SLC47A2: variants seen among roughly 807,000 people sequenced by gnomAD.
SLC47A2 encodes multidrug and toxin extrusion protein 2.
SLC47A2 carries 52 observed loss-of-function variants against 67.7 expected under a neutral mutation model. The ratio of observed to expected loss-of-function variants is 0.77; its 90% CI spans 0.61 to 0.97. The LOEUF is 0.97. SLC47A2 is among the 50% of genes least tolerant of loss of function. SLC47A2 has a pLI of 0.00. For synonymous variants in SLC47A2, 278 were observed against 292.9 expected (o/e 0.95, Z 0.52); for missense variants, 676 against 712.3 (o/e 0.95, Z 0.58).
rs369244770 is a variant in SLC47A2 at position 19,712,694 on chromosome 17, G to C, written c.486+9C>G. The C allele has an allele frequency of 3.8e-5, 62 of 1,612,994 alleles. No homozygotes were observed. The African/African-American group carries it at 5.7e-4, about 15-fold the overall frequency. On this transcript the variant is annotated intron_variant, in intron 5 of 16. Transcript: ENST00000433844. ...TGTGATTCCACGCTCAGCAAACAGG[G>C]GCACCTACCGGAAGTCCTGGAATGA... is the stretch of plus-strand genomic sequence containing the variant.
At chr17:19,714,909 C>G (rs1011834006) in intron 2 of SLC47A2, 120 bp from the exon 3 acceptor site, 2 of 1,425,450 alleles carry the variant, frequency 1.4e-6, no homozygotes, top group Non-Finnish European at 9.8e-7. Context: ...GGCAGAGGCT[C>G]TGCTCAGCAG....
chr17:19,711,678 A>ATAGTC (rs2086105190), intron 5 of SLC47A2, among the ~76,000 whole-genome samples: 1 of 151,794 alleles, frequency 6.6e-6, no homozygotes, highest in South Asian at 2.1e-4. Flanking sequence ...TTTAATAATA[A>ATAGTC]TAGTCTATGC....
At chr17:19,709,916 G>A (rs2086050285) in intron 5 of SLC47A2, among the ~76,000 whole-genome samples, 1 of 152,150 alleles carries the variant, frequency 6.6e-6, no homozygotes, top group African/African-American at 2.4e-5. Flanking sequence ...AAGACTCAGA[G>A]GAGAAGAGCA....
chr17:19,703,006 T>C (rs1475871457), intron 12 of SLC47A2, 86 bp downstream of exon 12: 1 of 1,432,290 alleles, frequency 7.0e-7, no homozygotes, highest in African/African-American at 1.4e-5. Flanking sequence ...GGCCCAGCAC[T>C]GAGCCAGGAA....
At chr17:19,705,408 G>C in intron 10 of SLC47A2, 28 bp downstream of exon 10, 1 of 1,597,840 alleles carries the variant, frequency 6.3e-7, no homozygotes, top group Non-Finnish European at 8.5e-7. Flanking sequence ...TGGGGGATGT[G>C]GGGAAGGCAC....
At chr17:19,704,033 A>G (rs1281523325) in intron 11 of SLC47A2, 37 bp downstream of exon 11, 2 of 1,528,734 alleles carry the variant, frequency 1.3e-6, no homozygotes, top group Non-Finnish European at 1.8e-6. Context: ...GACTCAGGCC[A>G]ACGTTTGAAG....
At chr17:19,709,258 G>C (rs1343943790) in intron 5 of SLC47A2, among the ~76,000 whole-genome samples, 1 of 152,210 alleles carries the variant, frequency 6.6e-6, no homozygotes, top group Non-Finnish European at 1.5e-5. Context: ...AAGACCCTAC[G>C]GGGGTGGCGG....
At chr17:19,706,579 TG>T in intron 9 of SLC47A2, 68 bp downstream of exon 9, 5 of 1,342,396 alleles carry the variant, frequency 3.7e-6, no homozygotes, top group Non-Finnish European at 3.0e-6. Flanking sequence ...GCCGCCATCC[TG>T]GGGAGGGGGC....
At position 19,683,173 on chromosome 17, in the gene SLC47A2, A is replaced by G. The variant is rs1704039629; in HGVS notation, c.1165-1503T>C. ...AATTATGATTGATGTACCCTGGACC[A>G]GTGTTTCTCAAATGGGGATGACAAA... On this transcript the variant is annotated intron_variant, in intron 13 of 16. Coordinates refer to ENST00000433844, the MANE Select transcript of SLC47A2 (RefSeq NM_001099646.3). 2.6e-5 allele frequency among the ~76,000 whole-genome samples: 4 copies of G among 152,302 alleles called. No homozygotes were observed. In the South Asian group the frequency reaches 6.2e-4, roughly 24 times the overall value.
chr17:19,693,356 A>G (rs115648003), intron 13 of SLC47A2, among the ~76,000 whole-genome samples: 3,477 of 152,232 alleles, frequency 0.023, 71 homozygotes, highest in African/African-American at 0.052. Context: ...CTCAACTTGA[A>G]AAAGGGCATT....
In SLC47A2 at chr17:19,685,294, C is replaced by T. The variant is rs990735950; in HGVS notation, c.1165-3624G>A. On this transcript the variant is annotated intron_variant, in intron 13 of 16. Transcript: ENST00000433844. This position sits in a 1 kb window ranked among gnomAD's most constrained non-coding sequence, Gnocchi z 4.5. ...ATCTAGGAAGTGAGCAGCGTCTCTG[C>T]TTGGCTGCCCATCGTCTGGGATGTG... 2.6e-5 allele frequency among the ~76,000 whole-genome samples: 4 copies of T among 152,132 alleles called. No homozygotes were observed. Among genetic ancestry groups the T allele is most frequent in the Admixed American group, 6.5e-5 (1 of 15,268 alleles).
chr17:19,704,815 G>A, intron 10 of SLC47A2: 1 of 545,736 alleles, frequency 1.8e-6, no homozygotes, highest in East Asian at 3.5e-5. Context: ...CTGCTCGATG[G>A]AATGTGCTTT....
At chr17:19,684,481 C>T (rs374881543) in intron 13 of SLC47A2, among the ~76,000 whole-genome samples, 2 of 151,906 alleles carry the variant, frequency 1.3e-5, no homozygotes, top group Admixed American at 6.6e-5. Context: ...AGAAAGGTCT[C>T]GAATCAATGA....
chr17:19,714,917 C>CACATGAGGCTGCTGAGCAG, intron 2 of SLC47A2, 128 bp from the exon 3 acceptor site: 1 of 1,382,388 alleles, frequency 7.2e-7, no homozygotes, highest in Non-Finnish European at 1.0e-6. Context: ...CTCTGCTCAG[C>CACATGAGGCTGCTGAGCAG]AGCCTCATGT....
intron 10 of SLC47A2, chr17:19,704,682 G>C (rs1051633684): frequency 2.6e-6 from 4 of 1,550,006 alleles, no homozygotes; most frequent in Non-Finnish European, 3.5e-6. Flanking sequence ...TAAGCAAGAC[G>C]ATGGCTGTGT....
chr17:19,680,388 G>A (rs1448005772), intron 15 of SLC47A2, among the ~76,000 whole-genome samples: 1 of 152,192 alleles, frequency 6.6e-6, no homozygotes, highest in African/African-American at 2.4e-5. Context: ...GCTGAGGCAG[G>A]AGAACCTCTT....
At chr17:19,706,810 T>G in intron 8 of SLC47A2, 49 bp from the exon 9 acceptor site, 1 of 1,431,366 alleles carries the variant, frequency 7.0e-7, no homozygotes, top group Non-Finnish European at 9.6e-7. Flanking sequence ...CTTGCCCACC[T>G]CATTCCTGCT....
At chr17:19,699,202 T>C (rs575758112) in intron 13 of SLC47A2, among the ~76,000 whole-genome samples, 1 of 152,158 alleles carries the variant, frequency 6.6e-6, no homozygotes, top group African/African-American at 2.4e-5. Context: ...GTTTTTTTTT[T>C]CCAAGAAATG....
chr17:19,703,175 A>T lies in SLC47A2; in HGVS notation c.1019-8T>A. On this transcript the variant is annotated splice_polypyrimidine_tract_variant and splice_region_variant and intron_variant, in intron 11 of 16. Coordinates refer to ENST00000433844, the MANE Select transcript of SLC47A2 (RefSeq NM_001099646.3). Reference sequence around the variant, plus strand: ...GGACCAGGGAAATGCCAACTGGAAGAGACAAAAGGTGCAGCAATGACAGAC... The same window carrying T: ...GGACCAGGGAAATGCCAACTGGAAGTGACAAAAGGTGCAGCAATGACAGAC... 6.2e-7 allele frequency: 1 copy of T among 1,614,000 alleles called. No homozygotes were observed. Among genetic ancestry groups the T allele is most frequent in the Non-Finnish European group, 8.5e-7 (1 of 1,179,918 alleles).
Sources: allele counts gnomAD v4.1 joint callset (sites outside exome capture counted in the v4.1 genomes callset), GRCh38; gene constraint gnomAD v4.1.1; non-coding constraint Gnocchi (gnomAD v3.1); transcripts MANE v1.5; gene names NCBI Gene and HGNC (gene_info 2026-07-23, HGNC 2026-07-21).